The following GNB1 variants were observed in gnomAD, a reference collection of about 807,000 sequenced individuals.
GNB1 encodes G protein subunit beta 1.
A neutral mutation model predicts 42.9 loss-of-function variants in GNB1; 2 were observed. The observed-to-expected ratio is 0.05, with a 90% CI of 0.02 to 0.15. The LOEUF is 0.15. Ranked by LOEUF, GNB1 falls within the 10% of genes least tolerant of loss-of-function variation. The pLI is 1.00. For synonymous variants in GNB1, 183 were observed against 174.7 expected, an observed-to-expected ratio of 1.05 and a Z score of -0.38; for missense variants, 193 against 462.2, an observed-to-expected ratio of 0.42 and a Z score of 5.34.
chr1:1,790,520 G>A lies in GNB1; in HGVS notation c.574C>T (p.Leu192Phe), dbSNP rs2100503789. The part of the protein sequence containing the change: ...GHTGDVMSLS[L>F]APDTRLFVSG... Reference sequence around the variant, plus strand: ...ACGAACAGTCTGGTGTCAGGAGCAAGAGAAAGGCTCATGACATCTCCAGTG... The same window carrying A: ...ACGAACAGTCTGGTGTCAGGAGCAAAAGAAAGGCTCATGACATCTCCAGTG... Residue 192 changes from leucine (L) to phenylalanine (F), a missense_variant, in exon 9 of 12, where the codon CTT becomes TTT. Leu to Phe is a conservative substitution (Grantham distance 22). Around this residue, in one of 2 missense-constraint regions of GNB1, gnomAD observed 150 missense variants for 410.8 expected, o/e 0.37. Transcript: ENST00000378609. The surrounding 1 kb of genome is among the most constrained non-coding windows in gnomAD (Gnocchi z 5.4). The A allele has an allele frequency of 6.2e-7, 1 of 1,612,828 alleles. No individual in the cohort carries two copies. Among genetic ancestry groups the A allele is most frequent in the Non-Finnish European group, 8.5e-7 (1 of 1,178,842 alleles).
intron 1 of GNB1, among the ~76,000 whole-genome samples, chr1:1,857,906 A>G (rs1316830301): frequency 2.6e-5 from 4 of 152,192 alleles, no homozygotes; most frequent in Non-Finnish European, 4.4e-5. Flanking sequence ...ACATACCGTA[A>G]TAAAAGTTAT....
chr1:1,866,967 A>G (rs1648976605), intron 1 of GNB1, among the ~76,000 whole-genome samples: 1 of 150,968 alleles, frequency 6.6e-6, no homozygotes, highest in South Asian at 2.1e-4. Flanking sequence ...ACAAACAAAC[A>G]AAAAAACCTC....
intron 6 of GNB1, among the ~76,000 whole-genome samples, chr1:1,805,898 C>T: frequency 6.6e-6 from 1 of 152,172 alleles, no homozygotes; most frequent in Non-Finnish European, 1.5e-5. Context: ...ATCTACCCTG[C>T]CACATCTCTC....
rs145834490 is a variant in GNB1 at position 1,878,655 on chromosome 1, T to C, written c.-96+12165A>G. Reference sequence around the variant, plus strand: ...GTAACATTCCTCTCACCAAGGCAAGTTGGCATCTCTTATTCACTGCCCATC... The same window carrying C: ...GTAACATTCCTCTCACCAAGGCAAGCTGGCATCTCTTATTCACTGCCCATC... On this transcript the variant is annotated intron_variant, in intron 1 of 11. Transcript: ENST00000378609. 9.8e-5 allele frequency among the ~76,000 whole-genome samples: 15 copies of C among 152,332 alleles called. No homozygotes were observed. The East Asian group carries it at 1.7e-3, about 18-fold the overall frequency.
At chr1:1,805,826 G>A (rs1159367483) in intron 6 of GNB1, among the ~76,000 whole-genome samples, 1 of 152,026 alleles carries the variant, frequency 6.6e-6, no homozygotes, top group Non-Finnish European at 1.5e-5. Flanking sequence ...ACAGGTGTGA[G>A]CCACGGCGCC....
intron 1 of GNB1, among the ~76,000 whole-genome samples, chr1:1,874,426 C>T (rs1275429431): frequency 3.3e-5 from 5 of 151,456 alleles, no homozygotes; most frequent in African/African-American, 9.7e-5. Context: ...CTGGGCAACA[C>T]GGTGAAACCC....
chr1:1,795,758 A>AACAAAAAC (rs1374380468), intron 7 of GNB1, among the ~76,000 whole-genome samples: 1 of 151,484 alleles, frequency 6.6e-6, no homozygotes, highest in Non-Finnish European at 1.5e-5. Context: ...GCCTCAAAAA[A>AACAAAAAC]ACAAAAAACA....
At chr1:1,841,055 C>A (rs1298113164) in intron 1 of GNB1, among the ~76,000 whole-genome samples, 1 of 151,376 alleles carries the variant, frequency 6.6e-6, no homozygotes, top group Non-Finnish European at 1.5e-5. Context: ...CCACTCCCAG[C>A]CAATTTTTAT....
At chr1:1,863,795 A>G (rs1284841021) in intron 1 of GNB1, among the ~76,000 whole-genome samples, 1 of 152,208 alleles carries the variant, frequency 6.6e-6, no homozygotes, top group Non-Finnish European at 1.5e-5. Flanking sequence ...TTAAGCACTG[A>G]ATCCCCACTC....
intron 1 of GNB1, among the ~76,000 whole-genome samples, chr1:1,873,220 G>T (rs902237539): frequency 1.3e-5 from 2 of 152,220 alleles, no homozygotes; most frequent in African/African-American, 4.8e-5. Flanking sequence ...CTCATAACTT[G>T]CAATAAGCAA....
chr1:1,869,324 G>C (rs758550380), intron 1 of GNB1, among the ~76,000 whole-genome samples: 6 of 151,314 alleles, frequency 4.0e-5, no homozygotes, highest in Non-Finnish European at 7.4e-5. Context: ...ACTTACTACT[G>C]ACTTCTATAA....
At chr1:1,799,039 G>A (rs1304724355) in intron 7 of GNB1, among the ~76,000 whole-genome samples, 1 of 151,912 alleles carries the variant, frequency 6.6e-6, no homozygotes, top group East Asian at 1.9e-4. Context: ...TCCTGCCTCA[G>A]CCTTTTGAGT....
At chr1:1,812,301 C>T (rs530315422) in intron 5 of GNB1, among the ~76,000 whole-genome samples, 2 of 148,220 alleles carry the variant, frequency 1.3e-5, no homozygotes, top group East Asian at 4.0e-4. Flanking sequence ...TCCTATGTAA[C>T]AAATCTGCAC....
chr1:1,785,459 G>A lies in GNB1; in HGVS notation c.*1604C>T, dbSNP rs1646390660. On this transcript the variant is annotated 3_prime_UTR_variant, in exon 12 of 12. Coordinates refer to ENST00000378609, the MANE Select transcript of GNB1 (RefSeq NM_002074.5). ...GTTGTTGGACGGAAAGAGAAAGAAG[G>A]GGTTTCATTTGTATTCTCTTTGCCA... The A allele has an allele frequency of 6.5e-6, 1 of 152,944 alleles. No individual in the cohort carries two copies. Among genetic ancestry groups the A allele is most frequent in the Non-Finnish European group, 1.5e-5 (1 of 68,336 alleles). 9.5% of individuals were successfully genotyped at this position (152,944 alleles called of 1,614,324 possible).
intron 1 of GNB1, among the ~76,000 whole-genome samples, chr1:1,849,264 T>C (rs1317044429): frequency 6.6e-6 from 1 of 152,204 alleles, no homozygotes; most frequent in Non-Finnish European, 1.5e-5. Flanking sequence ...GCTGTATATA[T>C]CTCTTCATTT....
At chr1:1,829,855 C>T (rs1647051829) in intron 2 of GNB1, among the ~76,000 whole-genome samples, 2 of 152,116 alleles carry the variant, frequency 1.3e-5, no homozygotes, top group South Asian at 4.1e-4. Flanking sequence ...TCTTTTGCCT[C>T]AGCCTCCCGA....
chr1:1,825,574 G>A, intron 2 of GNB1, 75 bp from the exon 3 acceptor site: 1 of 849,870 alleles, frequency 1.2e-6, no homozygotes. Context: ...AAAGTAAATT[G>A]AAAGTTTAAG....
intron 8 of GNB1, among the ~76,000 whole-genome samples, chr1:1,791,852 TAA>T (rs1251465003): frequency 2.0e-5 from 3 of 152,214 alleles, no homozygotes; most frequent in South Asian, 2.1e-4. Context: ...TTCTAATAAA[TAA>T]AGTCTTCTCA....
At chr1:1,846,120 C>T (rs535445746) in intron 1 of GNB1, among the ~76,000 whole-genome samples, 1 of 151,456 alleles carries the variant, frequency 6.6e-6, no homozygotes, top group African/African-American at 2.4e-5. Context: ...AAATTTAGGA[C>T]AATCTGAGGG....
Sources: allele counts gnomAD v4.1 joint callset (sites outside exome capture counted in the v4.1 genomes callset), GRCh38; gene constraint gnomAD v4.1.1; regional missense constraint gnomAD v4.1.1; non-coding constraint Gnocchi (gnomAD v3.1); transcripts MANE v1.5; gene names NCBI Gene and HGNC (gene_info 2026-07-23, HGNC 2026-07-21).